The following SERPINA12 variants were observed in gnomAD, a reference collection of about 807,000 sequenced individuals.
SERPINA12 encodes serpin family A member 12.
Under a neutral mutation model 25.9 loss-of-function variants are expected in SERPINA12, and 21 were observed. The ratio of observed to expected loss-of-function variants is 0.81; its 90% confidence interval spans 0.58 to 1.17. The LOEUF (loss-of-function observed/expected upper bound fraction) is 1.17. Among genes scored for constraint, SERPINA12 ranks in the 50% most tolerant of loss-of-function variants. SERPINA12 has a pLI of 0.00. For missense variants in SERPINA12, 562 were observed against 508.3 expected, an observed-to-expected ratio of 1.11 and a Z score of -1.02; for synonymous variants, 220 against 196.0, an observed-to-expected ratio of 1.12 and a Z score of -1.02.
intron 3 of SERPINA12, 34 bp downstream of exon 3, chr14:94,496,339 G>T: frequency 6.2e-7 from 1 of 1,612,434 alleles, no homozygotes; most frequent in East Asian, 2.2e-5. Flanking sequence ...GACAAGAGAA[G>T]GAAAAAGCTG....
Position 94,498,012 on chromosome 14 carries a change from T to A in SERPINA12, c.386A>T (p.Asp129Val). 6.2e-7 allele frequency: 1 copy of A among 1,614,110 alleles called. No homozygotes were observed. Among genetic ancestry groups the A allele is most frequent in the African/African-American group, 1.3e-5 (1 of 75,022 alleles). ...CGTGTTCCCAATGCTCAGTTTGAGG[T>A]CCTGGGTCTTCTGGGTCAGCTCGTG... ...IIHELTQKTQDLKLSIGNTLF... is the reference protein window; with the variant it reads ...IIHELTQKTQVLKLSIGNTLF... The change falls in exon 2 of 5, where the codon GAC becomes GTC. Residue 129 changes from aspartate to valine, a missense_variant. By Grantham distance (152) the Asp-to-Val change is radical. Transcript: ENST00000677451.
At position 94,515,485 on chromosome 14, in the gene SERPINA12, G is replaced by A. The variant is rs574415872; in HGVS notation, c.-18+335C>T. ...CCACCCACTCAGCATCTCCGTGGACGGGGAGGCCTGCCCTACAGAGCCTCG... is the reference window on the plus strand; with the variant it reads ...CCACCCACTCAGCATCTCCGTGGACAGGGAGGCCTGCCCTACAGAGCCTCG... On this transcript the variant is annotated intron_variant, in intron 2 of 5. Coordinates refer to the SERPINA12 transcript ENST00000341228. Among the ~76,000 whole-genome samples, 13 of 152,248 alleles carry A rather than the reference G, an allele frequency of 8.5e-5. No homozygotes were observed. The South Asian group carries it at 1.0e-3, about 12-fold the overall frequency.
chr14:94,505,704 C>A (rs1448269758), intron 1 of SERPINA12, among the ~76,000 whole-genome samples: 1 of 152,166 alleles, frequency 6.6e-6, no homozygotes, highest in Non-Finnish European at 1.5e-5. Flanking sequence ...AGTCTGAGGG[C>A]CATGCCTCCC....
At chr14:94,490,459 G>A (rs1252847637) in intron 3 of SERPINA12, among the ~76,000 whole-genome samples, 1 of 151,832 alleles carries the variant, frequency 6.6e-6, no homozygotes, top group Non-Finnish European at 1.5e-5. Context: ...CGTTCACCTG[G>A]CCTTGCACCC....
chr14:94,493,462 G>A (rs566435448), intron 3 of SERPINA12, among the ~76,000 whole-genome samples: 19 of 152,168 alleles, frequency 1.2e-4, no homozygotes, highest in Non-Finnish European at 2.2e-4. Context: ...AAGTCAAGGA[G>A]ATGCGGAAAG....
chr14:94,489,563 C>A, intron 4 of SERPINA12, 57 bp downstream of exon 4: 3 of 1,580,530 alleles, frequency 1.9e-6, no homozygotes, highest in Non-Finnish European at 2.6e-6. Context: ...GCTCTGGCCC[C>A]GGCTGGGGGA....
upstream of SERPINA12, among the ~76,000 whole-genome samples, chr14:94,513,919 G>A (rs1473884851): frequency 2.6e-5 from 4 of 152,148 alleles, no homozygotes; most frequent in African/African-American, 9.7e-5. Flanking sequence ...TGAACAGCCT[G>A]GAGGTTGCTC....
intron 1 of SERPINA12, among the ~76,000 whole-genome samples, chr14:94,506,736 C>T (rs954554119): frequency 1.3e-5 from 2 of 152,200 alleles, no homozygotes; most frequent in Non-Finnish European, 2.9e-5. Context: ...CAGAACATTC[C>T]TCTAGAGATT....
chr14:94,497,812 T>A lies in SERPINA12; in HGVS notation c.586A>T (p.Ile196Leu), dbSNP rs1310595390. The A allele has an allele frequency of 6.2e-7, 1 of 1,613,930 alleles. No homozygotes were observed. Among genetic ancestry groups the A allele is most frequent in the East Asian group, 2.2e-5 (1 of 44,882 alleles). Residue 196 changes from isoleucine (I) to leucine (L), a missense_variant, in exon 2 of 5, where the codon ATA becomes TTA. Ile to Leu is a conservative substitution (Grantham distance 5). Transcript: ENST00000677451. ...AGAAGCATCACAGTGCCGGGGTCTA[T>A]ATTCTCGATCAGGTTGTTAATTTTC... is the stretch of plus-strand genomic sequence containing the variant. ...HGKINNLIEN[I>L]DPGTVMLLAN...
At chr14:94,510,225 G>A (rs1399901308), upstream of SERPINA12, 2 of 985,430 alleles carry the variant, frequency 2.0e-6, no homozygotes, top group Non-Finnish European at 2.4e-6. Context: ...ACTATTGGAA[G>A]TCATGCTGTC....
intron 2 of SERPINA12, 43 bp from the exon 3 acceptor site, chr14:94,496,686 A>G (rs780783170): frequency 3.8e-6 from 6 of 1,580,252 alleles, no homozygotes; most frequent in Non-Finnish European, 5.2e-6. Context: ...TCCCAAGGGA[A>G]AAAAGGTGAC....
upstream of SERPINA12, chr14:94,510,315 G>A: frequency 3.1e-6 from 3 of 953,762 alleles, no homozygotes; most frequent in South Asian, 9.7e-5. Flanking sequence ...TGGTAGAAGA[G>A]CAGAACAACA....
chr14:94,503,122 T>C (rs1029404639), intron 1 of SERPINA12: 1 of 878,466 alleles, frequency 1.1e-6, no homozygotes, highest in Non-Finnish European at 1.4e-6. Context: ...AGGACTGATA[T>C]TGCTTTAAGA....
At chr14:94,494,783 A>T (rs1047371900) in intron 3 of SERPINA12, among the ~76,000 whole-genome samples, 2 of 152,232 alleles carry the variant, frequency 1.3e-5, no homozygotes, top group African/African-American at 4.8e-5. Flanking sequence ...GCTAAGGCAC[A>T]TTTAATTCTC....
chr14:94,511,227 C>A (rs1317346830), upstream of SERPINA12, among the ~76,000 whole-genome samples: 1 of 151,010 alleles, frequency 6.6e-6, no homozygotes, highest in Non-Finnish European at 1.5e-5. Context: ...CTTCTGTGCA[C>A]ACCTCATGTA....
chr14:94,503,716 T>C (rs909339429), intron 1 of SERPINA12, among the ~76,000 whole-genome samples: 2 of 152,248 alleles, frequency 1.3e-5, no homozygotes, highest in Non-Finnish European at 2.9e-5. Context: ...TTGAACAGGC[T>C]GCTTCGCCTC....
At chr14:94,514,620 G>A (rs1901187668) in intron 2 of SERPINA12, among the ~76,000 whole-genome samples, 1 of 152,256 alleles carries the variant, frequency 6.6e-6, no homozygotes, top group Non-Finnish European at 1.5e-5. Flanking sequence ...GGTCCATGTA[G>A]GTGTCCGGCA....
At position 94,495,311 on chromosome 14, in the gene SERPINA12, G is replaced by A. The variant is rs995576094; in HGVS notation, c.905+1062C>T. The stretch of plus-strand genomic sequence containing the variant: ...TCTCGATCTCCTGACCTCGTGATCC[G>A]CCCGCCTCGGCCTCCCAAAGTGCTG... On this transcript the variant is annotated intron_variant, in intron 3 of 4. Transcript: ENST00000677451. Among the ~76,000 whole-genome samples, 29 of 151,726 alleles carry A rather than the reference G, an allele frequency of 1.9e-4. 1 individual carries two copies. The highest frequency in any genetic ancestry group is 6.5e-4 in the African/African-American group (27 of 41,356).
intron 2 of SERPINA12, among the ~76,000 whole-genome samples, chr14:94,515,517 T>C (rs898426427): frequency 3.9e-5 from 6 of 152,166 alleles, no homozygotes; most frequent in African/African-American, 1.4e-4. Flanking sequence ...CTCGCTCATG[T>C]TCCCATATCC....
Sources: gnomAD v4.1 joint callset for allele counts (sites outside exome capture counted in the v4.1 genomes callset) on GRCh38, gnomAD v4.1.1 for gene constraint, MANE v1.5 for transcripts, NCBI Gene and HGNC (gene_info 2026-07-23, HGNC 2026-07-21) for gene names.